ROR1: variants seen among roughly 807,000 people sequenced by gnomAD.
ROR1 encodes inactive tyrosine-protein kinase transmembrane receptor ROR1.
ROR1 carries 19 observed loss-of-function variants against 78.8 expected under a neutral mutation model. That is an observed-to-expected ratio of 0.24 (90% confidence interval 0.17 to 0.35). The LOEUF is 0.35. Among genes scored for constraint, ROR1 ranks in the 10% least tolerant of loss-of-function variants. ROR1 has a pLI of 1.00. For synonymous variants in ROR1, 386 were observed against 433.6 expected (o/e 0.89, Z 1.36); for missense variants, 917 against 1,177.8 (o/e 0.78, Z 3.24).
At chr1:64,049,629 G>A in intron 2 of ROR1, 62 bp from the exon 3 acceptor site, 1 of 1,466,682 alleles carries the variant, frequency 6.8e-7, no homozygotes, top group Non-Finnish European at 9.4e-7. Context: ...AGGGGATTTG[G>A]CTGCTTGGAA....
At chr1:63,980,815 C>T (rs1646204360) in intron 1 of ROR1, among the ~76,000 whole-genome samples, 1 of 152,194 alleles carries the variant, frequency 6.6e-6, no homozygotes, top group African/African-American at 2.4e-5. Flanking sequence ...TGTAAAAGGG[C>T]CAAGGAGCAC....
At chr1:64,093,459 A>G (rs1384688189) in intron 4 of ROR1, among the ~76,000 whole-genome samples, 1 of 152,152 alleles carries the variant, frequency 6.6e-6, no homozygotes, top group Non-Finnish European at 1.5e-5. Context: ...TTCTTTCCCC[A>G]ATACAAATCT....
chr1:64,010,820 G>A (rs759437208), intron 2 of ROR1, among the ~76,000 whole-genome samples: 8 of 152,046 alleles, frequency 5.3e-5, no homozygotes, highest in Admixed American at 1.3e-4. Context: ...TTCCTCCTTC[G>A]CTGGGCACTC....
At chr1:63,911,145 A>T (rs1286439668) in intron 1 of ROR1, among the ~76,000 whole-genome samples, 1 of 152,108 alleles carries the variant, frequency 6.6e-6, no homozygotes, top group Admixed American at 6.5e-5. Flanking sequence ...TCAATTCTTT[A>T]ACTGAGGAGC....
At chr1:63,976,371 G>A (rs1646161205) in intron 1 of ROR1, among the ~76,000 whole-genome samples, 1 of 152,156 alleles carries the variant, frequency 6.6e-6, no homozygotes, top group Non-Finnish European at 1.5e-5. Flanking sequence ...CTCTCTATAT[G>A]TTTAAGCATG....
At chr1:63,781,739 A>G (rs1260094122) in intron 1 of ROR1, among the ~76,000 whole-genome samples, 1 of 152,212 alleles carries the variant, frequency 6.6e-6, no homozygotes, top group South Asian at 2.1e-4. Flanking sequence ...GTGTTCTGCT[A>G]TAGTTATGTA....
rs1347989871 is a variant in ROR1, at chr1:64,178,274, C to T, written c.2233C>T (p.Arg745Trp). ...RRPRFKDIHV[R>W]LRSWEGLSSH... Reference sequence around the variant, plus strand: ...ACCAAGATTTAAAGATATTCACGTCCGGCTTCGGTCCTGGGAGGGACTCTC... The same window carrying T: ...ACCAAGATTTAAAGATATTCACGTCTGGCTTCGGTCCTGGGAGGGACTCTC... Residue 745 changes from arginine to tryptophan, a missense_variant, in exon 9 of 9, where the codon CGG becomes TGG. Physicochemically the swap from Arg to Trp is moderately radical, Grantham distance 101 (BLOSUM62 -3). Around this residue, in one of 3 missense-constraint regions of ROR1, gnomAD observed 835 missense variants for 1,069.8 expected, o/e 0.78. Coordinates refer to ENST00000371079, the MANE Select transcript of ROR1 (RefSeq NM_005012.4). The surrounding 1 kb of genome is among the most constrained non-coding windows in gnomAD (Gnocchi z 4.3). The T allele has an allele frequency of 5.0e-6, 8 of 1,613,970 alleles. No homozygotes were observed. Among genetic ancestry groups the T allele is most frequent in the South Asian group, 1.1e-5 (1 of 91,080 alleles).
chr1:64,161,102 A>G (rs1465218134), intron 8 of ROR1, among the ~76,000 whole-genome samples: 1 of 152,216 alleles, frequency 6.6e-6, no homozygotes, highest in Admixed American at 6.5e-5. Flanking sequence ...ATATATATCG[A>G]TGAATACAAA....
chr1:63,813,883 G>A (rs1197176182), intron 1 of ROR1, among the ~76,000 whole-genome samples: 1 of 152,178 alleles, frequency 6.6e-6, no homozygotes, highest in Non-Finnish European at 1.5e-5. Flanking sequence ...CTAGTCTGTG[G>A]GTTGGTGAAA....
chr1:63,841,189 A>C (rs966664062), intron 1 of ROR1, among the ~76,000 whole-genome samples: 2 of 152,160 alleles, frequency 1.3e-5, no homozygotes, highest in African/African-American at 4.8e-5. Flanking sequence ...TCTTTTTACA[A>C]GTTTAGTAAC....
At chr1:63,996,704 C>G (rs979539928) in intron 1 of ROR1, among the ~76,000 whole-genome samples, 6 of 152,030 alleles carry the variant, frequency 3.9e-5, no homozygotes, top group African/African-American at 1.4e-4. Flanking sequence ...TTTTTTCCCC[C>G]CTTTCACGCC....
chr1:63,794,898 G>A (rs536468776), intron 1 of ROR1, among the ~76,000 whole-genome samples: 81 of 152,342 alleles, frequency 5.3e-4, no homozygotes, highest in African/African-American at 1.9e-3. Context: ...ACTGGTGATA[G>A]TGGTGGGGTG....
intron 2 of ROR1, among the ~76,000 whole-genome samples, chr1:64,040,667 G>A (rs766840580): frequency 2.6e-5 from 4 of 152,150 alleles, no homozygotes; most frequent in Non-Finnish European, 5.9e-5. Context: ...ACAGACAGCT[G>A]TCTTCTCATT....
intron 1 of ROR1, among the ~76,000 whole-genome samples, chr1:63,879,521 G>T (rs542700280): frequency 1.4e-5 from 2 of 140,446 alleles, no homozygotes; most frequent in African/African-American, 6.6e-5. Context: ...TGTGTATTCT[G>T]GGGGGCCTTC....
intron 4 of ROR1, among the ~76,000 whole-genome samples, chr1:64,098,715 G>C (rs1251517678): frequency 3.3e-5 from 5 of 152,138 alleles, no homozygotes; most frequent in Non-Finnish European, 7.3e-5. Context: ...TGTTCCCCAA[G>C]GTACTACAGG....
chr1:64,122,311 C>T (rs1052807326), intron 4 of ROR1, among the ~76,000 whole-genome samples: 2 of 152,184 alleles, frequency 1.3e-5, no homozygotes, highest in Non-Finnish European at 2.9e-5. Flanking sequence ...AACTAATTGG[C>T]CCTTTCTCTT....
chr1:64,038,000 C>T (rs976916614), intron 2 of ROR1, among the ~76,000 whole-genome samples: 2 of 152,138 alleles, frequency 1.3e-5, no homozygotes, highest in African/African-American at 4.8e-5. Flanking sequence ...GACAGGTTCA[C>T]CCCCTCCTGA....
intron 7 of ROR1, among the ~76,000 whole-genome samples, chr1:64,152,160 A>T (rs1460751927): frequency 6.6e-6 from 1 of 152,202 alleles, no homozygotes; most frequent in Non-Finnish European, 1.5e-5. Context: ...AAAAAACCTA[A>T]TAAAGAACAA....
intron 5 of ROR1, among the ~76,000 whole-genome samples, 165 bp from the exon 6 acceptor site, chr1:64,139,944 A>C (rs1266165924): frequency 6.6e-6 from 1 of 152,054 alleles, no homozygotes; most frequent in Non-Finnish European, 1.5e-5. Context: ...AGCCAGTGAA[A>C]GTAAGCTGCT....
Sources: gnomAD v4.1 joint callset for allele counts (sites outside exome capture counted in the v4.1 genomes callset) on GRCh38, gnomAD v4.1.1 for gene constraint, gnomAD v4.1.1 regional missense constraint, Gnocchi (gnomAD v3.1) non-coding constraint, MANE v1.5 for transcripts, NCBI Gene and HGNC (gene_info 2026-07-23, HGNC 2026-07-21) for gene names.